SGCZ: variants seen among roughly 807,000 people sequenced by gnomAD.
SGCZ encodes sarcoglycan zeta.
SGCZ carries 40 observed loss-of-function variants against 41.3 expected under a neutral mutation model. The observed-to-expected ratio is 0.97, with a 90% CI of 0.75 to 1.26. The LOEUF is 1.26. Ranked by LOEUF, SGCZ falls within the 50% of genes most tolerant of loss-of-function variation. SGCZ has a pLI of 0.00. For missense variants in SGCZ, 552 were observed against 369.8 expected, an observed-to-expected ratio of 1.49 and a Z score of -4.04; for synonymous variants, 206 against 137.5, an observed-to-expected ratio of 1.50 and a Z score of -3.49.
chr8:15,061,551 A>C (rs545450309), intron 1 of SGCZ, among the ~76,000 whole-genome samples: 1 of 151,770 alleles, frequency 6.6e-6, no homozygotes, highest in East Asian at 1.9e-4. Flanking sequence ...AACAGGAAAA[A>C]ATTAAAAATA....
chr8:14,396,161 G>C (rs943937416), intron 2 of SGCZ, among the ~76,000 whole-genome samples: 1 of 152,080 alleles, frequency 6.6e-6, no homozygotes, highest in Non-Finnish European at 1.5e-5. Context: ...CTTTAGATAT[G>C]ACTGGGAAGA....
chr8:14,957,425 T>A (rs556180682), intron 1 of SGCZ, among the ~76,000 whole-genome samples: 1 of 152,206 alleles, frequency 6.6e-6, no homozygotes, highest in East Asian at 1.9e-4. Context: ...GGTAAATATA[T>A]TAACCTTTCC....
At chr8:14,332,383 G>C (rs2117054314) in intron 2 of SGCZ, among the ~76,000 whole-genome samples, 1 of 152,244 alleles carries the variant, frequency 6.6e-6, no homozygotes, top group East Asian at 1.9e-4. Context: ...GGAGCTTGCG[G>C]TGAGCCGAGA....
chr8:14,219,819 C>A (rs2117117938), intron 4 of SGCZ, among the ~76,000 whole-genome samples: 1 of 148,530 alleles, frequency 6.7e-6, no homozygotes, highest in African/African-American at 2.5e-5. Flanking sequence ...GACCTCTTGC[C>A]AACCGACTAC....
intron 1 of SGCZ, among the ~76,000 whole-genome samples, chr8:15,028,683 T>A (rs139720339): frequency 1.2e-4 from 18 of 152,100 alleles, no homozygotes; most frequent in Non-Finnish European, 1.8e-4. Flanking sequence ...GCTAAGTACA[T>A]TGATCTCACA....
At chr8:14,587,447 A>C (rs1217761748) in intron 1 of SGCZ, among the ~76,000 whole-genome samples, 2 of 152,090 alleles carry the variant, frequency 1.3e-5, no homozygotes, top group Non-Finnish European at 2.9e-5. Context: ...GAAGGCAGGA[A>C]TATGGCTTAA....
intron 1 of SGCZ, among the ~76,000 whole-genome samples, chr8:15,209,984 A>G (rs1801188782): frequency 6.6e-6 from 1 of 152,140 alleles, no homozygotes; most frequent in Admixed American, 6.6e-5. Flanking sequence ...TACTCACACT[A>G]TTTAAAAAAT....
chr8:15,035,322 C>T (rs1053082275), intron 1 of SGCZ, among the ~76,000 whole-genome samples: 58 of 151,976 alleles, frequency 3.8e-4, no homozygotes, highest in African/African-American at 1.3e-3. Flanking sequence ...TTCATAGTAA[C>T]CATAAAGCAA....
chr8:14,358,866 C>T (rs570672106), intron 2 of SGCZ, among the ~76,000 whole-genome samples: 1 of 152,220 alleles, frequency 6.6e-6, no homozygotes, highest in Non-Finnish European at 1.5e-5. Context: ...GCCTCAGCCT[C>T]CCAAAGTGCT....
At chr8:14,482,129 C>T (rs1160281594) in intron 2 of SGCZ, among the ~76,000 whole-genome samples, 2 of 152,156 alleles carry the variant, frequency 1.3e-5, no homozygotes, top group African/African-American at 4.8e-5. Context: ...TAGTTTTCCC[C>T]TGAGTGATCC....
intron 1 of SGCZ, among the ~76,000 whole-genome samples, chr8:14,827,827 C>T (rs543599870): frequency 9.9e-5 from 15 of 152,182 alleles, no homozygotes; most frequent in Admixed American, 7.9e-4. Flanking sequence ...TACACATATA[C>T]ATAAACACAC....
At chr8:14,119,290 T>C (rs1259338056) in intron 5 of SGCZ, among the ~76,000 whole-genome samples, 2 of 152,112 alleles carry the variant, frequency 1.3e-5, no homozygotes, top group Admixed American at 6.6e-5. Context: ...CCCCTGTAAG[T>C]TGTATTCCTA....
Position 14,381,370 on chromosome 8 carries a change from T to C in SGCZ, c.235-57166A>G, listed in dbSNP as rs116352929. On this transcript the variant is annotated intron_variant, in intron 2 of 7. Transcript: ENST00000382080. ...AGAAATTATTCAGGTCCAGCCATCCTGATATTAATAATGGGGTGTCATAAA... is the reference window on the plus strand; with the variant it reads ...AGAAATTATTCAGGTCCAGCCATCCCGATATTAATAATGGGGTGTCATAAA... 8.5e-3 allele frequency among the ~76,000 whole-genome samples: 1,297 copies of C among 152,334 alleles called. 13 individuals carry two copies. The highest frequency in any genetic ancestry group is 0.019 in the African/African-American group (783 of 41,578).
At chr8:15,176,816 A>T (rs974515789) in intron 1 of SGCZ, among the ~76,000 whole-genome samples, 5 of 152,188 alleles carry the variant, frequency 3.3e-5, no homozygotes, top group Admixed American at 6.5e-5. Flanking sequence ...CCTGGCTAAC[A>T]GGGTGAAACC....
intron 1 of SGCZ, among the ~76,000 whole-genome samples, chr8:14,733,409 G>A (rs1010839936): frequency 1.3e-5 from 2 of 152,114 alleles, no homozygotes; most frequent in Non-Finnish European, 2.9e-5. Context: ...GACATGCTAT[G>A]CCTCTTGGTT....
chr8:14,102,247 T>TAA, intron 7 of SGCZ, 129 bp downstream of exon 7: 1 of 1,085,834 alleles, frequency 9.2e-7, no homozygotes, highest in South Asian at 3.7e-5. Flanking sequence ...ATTACTTTCC[T>TAA]AAGTTACAAC....
At chr8:14,954,565 C>T (rs950673039) in intron 1 of SGCZ, among the ~76,000 whole-genome samples, 2 of 152,274 alleles carry the variant, frequency 1.3e-5, no homozygotes, top group African/African-American at 4.8e-5. Flanking sequence ...CACAGACTCT[C>T]TTTATCAATG....
intron 1 of SGCZ, among the ~76,000 whole-genome samples, chr8:14,819,675 C>T (rs2130563797): frequency 6.6e-6 from 1 of 152,166 alleles, no homozygotes; most frequent in African/African-American, 2.4e-5. Flanking sequence ...CAAGTAGTGG[C>T]TAAGGAACAC....
At chr8:14,966,768 A>T (rs1801139807) in intron 1 of SGCZ, among the ~76,000 whole-genome samples, 1 of 152,058 alleles carries the variant, frequency 6.6e-6, no homozygotes, top group Non-Finnish European at 1.5e-5. Context: ...AGTATAGAAA[A>T]GATGTGTTAT....
Sources: allele counts gnomAD v4.1 joint callset (sites outside exome capture counted in the v4.1 genomes callset), GRCh38; gene constraint gnomAD v4.1.1; transcripts MANE v1.5; gene names NCBI Gene and HGNC (gene_info 2026-07-23, HGNC 2026-07-21).